SLC25A43: variants seen among roughly 807,000 people sequenced by gnomAD.
SLC25A43 encodes solute carrier family 25, member 43.
Under a neutral mutation model 22.8 loss-of-function variants are expected in SLC25A43, and 10 were observed. The observed-to-expected ratio is 0.44, with a 90% CI of 0.27 to 0.74. SLC25A43 has a LOEUF of 0.74. SLC25A43 is among the 30% of genes least tolerant of loss of function. The pLI is 0.17. For synonymous variants in SLC25A43, 106 were observed against 121.6 expected (o/e 0.87, Z 0.84); for missense variants, 233 against 279.1 (o/e 0.83, Z 1.18).
intron 2 of SLC25A43, among the ~76,000 whole-genome samples, chrX:119,409,196 T>A (rs775885053): frequency 8.6e-5 from 9 of 105,062 alleles, no homozygotes; most frequent in East Asian, 3.1e-4. Flanking sequence ...TTATTTATTT[T>A]TTGAGACAGA....
At chrX:119,427,874 A>C (rs1287843411) in intron 3 of SLC25A43, among the ~76,000 whole-genome samples, 2 of 111,891 alleles carry the variant, frequency 1.8e-5, no homozygotes, top group Non-Finnish European at 3.8e-5. Flanking sequence ...TTTCCTTTTT[A>C]ATGCCCTTTT....
rs914713869 is a variant in SLC25A43 at position 119,454,058 on chromosome X, G to A, written c.*993G>A. ...TTATCCCCCCAAAGACCTTCTGATT[G>A]AAGTCATGTACAGTTCAGTGGCCTA... is the stretch of plus-strand genomic sequence containing the variant. On this transcript the variant is annotated 3_prime_UTR_variant, in exon 5 of 5. Coordinates refer to ENST00000217909, the MANE Select transcript of SLC25A43 (RefSeq NM_145305.3). 1.8e-5 allele frequency: 2 copies of A among 112,141 alleles called. No homozygotes were observed. Among genetic ancestry groups the A allele is most frequent in the African/African-American group, 6.5e-5 (2 of 30,818 alleles). The allele number at this position is 112,141 out of a possible 1,213,427, so 9.2% of individuals were successfully genotyped here. A position where few individuals can be genotyped will look rare whatever the true frequency, so the allele number is the denominator to read the frequency against.
chrX:119,443,160 C>G (rs1167457063), intron 3 of SLC25A43, among the ~76,000 whole-genome samples: 2 of 94,988 alleles, frequency 2.1e-5, no homozygotes, highest in East Asian at 7.2e-4. Flanking sequence ...CACTCTGTCA[C>G]CCAGGCTGGA....
chrX:119,410,266 G>A lies in SLC25A43; in HGVS notation c.594G>A (p.Gln198=). 1 of 1,211,171 alleles carries A rather than the reference G, an allele frequency of 8.3e-7. No homozygotes were observed. Residue 198 remains glutamine, a synonymous_variant, in exon 3 of 5, where the codon CAG becomes CAA. Coordinates refer to ENST00000217909, the MANE Select transcript of SLC25A43 (RefSeq NM_145305.3). The part of the protein sequence containing the change: ...LEKIWNGPRD[Q]FSLPQNFANV... ...AAATCTGGAACGGACCCCGAGATCA[G>A]TTCTCTCTCCCACAGAACTTTGCTA...
In SLC25A43 at chrX:119,452,865, A is replaced by G. The variant is rs184179550; in HGVS notation, c.826A>G (p.Ile276Val). The G allele has an allele frequency of 7.7e-5, 92 of 1,200,468 alleles. No individual in the cohort carries two copies. The East Asian group carries it at 2.7e-3, about 36-fold the overall frequency. Residue 276 changes from isoleucine (I) to valine (V), a missense_variant and splice_region_variant, in exon 5 of 5, where the codon ATA (isoleucine) becomes GTA (valine). Coordinates refer to ENST00000217909, the MANE Select transcript of SLC25A43 (RefSeq NM_145305.3). The part of the protein sequence containing the change: ...WNGLTANLLK[I>V]VPYFGIMFST... ...TGATTTTCATTTTTGGTTTTAACAG[A>G]TAGTTCCATATTTTGGAATTATGTT... is the stretch of plus-strand genomic sequence containing the variant.
At chrX:119,413,560 A>G (rs1385935968) in intron 3 of SLC25A43, among the ~76,000 whole-genome samples, 1 of 101,079 alleles carries the variant, frequency 9.9e-6, no homozygotes, top group African/African-American at 3.7e-5. Flanking sequence ...TACAAAAATT[A>G]GCTGGTCATG....
At chrX:119,424,161 G>A (rs1340276699) in intron 3 of SLC25A43, among the ~76,000 whole-genome samples, 5 of 106,325 alleles carry the variant, frequency 4.7e-5, no homozygotes, top group Admixed American at 1.0e-4. Context: ...TGCAGTGAGC[G>A]GAGATCGCAC....
intron 1 of SLC25A43, among the ~76,000 whole-genome samples, chrX:119,402,112 A>T (rs1171759784): frequency 8.9e-6 from 1 of 112,340 alleles, no homozygotes; most frequent in African/African-American, 3.2e-5. Flanking sequence ...ATTCATCATT[A>T]TACTGATTCA....
intron 3 of SLC25A43, among the ~76,000 whole-genome samples, chrX:119,446,666 C>T (rs1268501768): frequency 1.8e-5 from 2 of 112,137 alleles, no homozygotes; most frequent in Non-Finnish European, 3.8e-5. Flanking sequence ...CTTGACCTAC[C>T]GTTTTTATAA....
At chrX:119,434,776 G>T (rs1296659480) in intron 3 of SLC25A43, 1 of 107,076 alleles carries the variant, frequency 9.3e-6, no homozygotes, top group African/African-American at 3.4e-5. Context: ...TGAATAGCCT[G>T]TGTTGCCCAC....
chrX:119,451,813 T>C, intron 3 of SLC25A43, 196 bp from the exon 4 acceptor site: 3 of 1,050,048 alleles, frequency 2.9e-6, no homozygotes, highest in Non-Finnish European at 3.7e-6. Flanking sequence ...ATGGACAGGG[T>C]ATCATGATTG....
At chrX:119,434,890 C>T in intron 3 of SLC25A43, 1 of 110,057 alleles carries the variant, frequency 9.1e-6, no homozygotes, top group Non-Finnish European at 1.9e-5. Flanking sequence ...ATGGCGTGAT[C>T]TCGGCTCACT....
At chrX:119,449,401 G>A (rs1316538866) in intron 3 of SLC25A43, among the ~76,000 whole-genome samples, 1 of 81,337 alleles carries the variant, frequency 1.2e-5, no homozygotes, top group East Asian at 3.7e-4. Context: ...GCAACAGAGC[G>A]AGACTCTGTC....
chrX:119,400,680 G>A (rs888923108), intron 1 of SLC25A43, among the ~76,000 whole-genome samples: 10 of 112,385 alleles, frequency 8.9e-5, no homozygotes, highest in African/African-American at 3.2e-5. Flanking sequence ...AGAGGTGGAA[G>A]GCTCACCTGG....
chrX:119,444,250 G>A (rs1183968605), intron 3 of SLC25A43, among the ~76,000 whole-genome samples: 4 of 111,510 alleles, frequency 3.6e-5, no homozygotes, highest in African/African-American at 1.3e-4. Flanking sequence ...TATTTAAACT[G>A]TTTACCAAAA....
chrX:119,403,283 A>G (rs1193831760), intron 1 of SLC25A43, among the ~76,000 whole-genome samples: 1 of 109,516 alleles, frequency 9.1e-6, no homozygotes, highest in Non-Finnish European at 1.9e-5. Context: ...CCGCCCCTCC[A>G]GTCAAAAATT....
At chrX:119,422,456 TTTG>T (rs2052463022) in intron 3 of SLC25A43, among the ~76,000 whole-genome samples, 1 of 112,741 alleles carries the variant, frequency 8.9e-6, no homozygotes, top group Non-Finnish European at 1.9e-5. Context: ...CATGCTTCCT[TTTG>T]TTATAATCTT....
intron 1 of SLC25A43, among the ~76,000 whole-genome samples, chrX:119,401,261 T>C (rs1335170338): frequency 9.0e-6 from 1 of 111,196 alleles, no homozygotes; most frequent in Non-Finnish European, 1.9e-5. Context: ...CCTGCATCCA[T>C]TTGACACTAA....
intron 3 of SLC25A43, among the ~76,000 whole-genome samples, chrX:119,446,633 A>C (rs2052670768): frequency 8.9e-6 from 1 of 112,733 alleles, no homozygotes; most frequent in Admixed American, 9.4e-5. Flanking sequence ...TTCTGCAAAG[A>C]TTCTACATTA....
Sources: allele counts gnomAD v4.1 joint callset (sites outside exome capture counted in the v4.1 genomes callset), GRCh38; gene constraint gnomAD v4.1.1; transcripts MANE v1.5; gene names NCBI Gene and HGNC (gene_info 2026-07-23, HGNC 2026-07-21).